The following RAB11FIP2 variants were observed in gnomAD, a reference collection of about 807,000 sequenced individuals.
RAB11FIP2 encodes the protein rab11 family-interacting protein 2.
RAB11FIP2 carries 16 observed loss-of-function variants against 40.9 expected under a neutral mutation model. That is an observed-to-expected ratio of 0.39 (90% CI 0.26 to 0.59). The LOEUF is 0.59. Among genes scored for constraint, RAB11FIP2 ranks in the 20% least tolerant of loss-of-function variants. The pLI, the probability that RAB11FIP2 is intolerant of heterozygous loss-of-function variation, is 0.53. For missense variants in RAB11FIP2, 532 were observed against 606.2 expected (o/e 0.88, Z 1.28); for synonymous variants, 228 against 213.7 (o/e 1.07, Z -0.58).
intron 1 of RAB11FIP2, chr10:118,043,618 A>G (rs1295071555): frequency 6.6e-6 from 1 of 152,212 alleles, no homozygotes; most frequent in African/African-American, 2.4e-5. Flanking sequence ...TTTATCTATC[A>G]TGACACAACT....
In RAB11FIP2 at chr10:118,045,914, G is replaced by C. The variant is rs1221506230; in HGVS notation, c.250C>G (p.Leu84Val). 2 of 1,614,050 alleles carry C rather than the reference G, an allele frequency of 1.2e-6. No individual in the cohort carries two copies. Among genetic ancestry groups the C allele is most frequent in the Admixed American group, 3.3e-5 (2 of 59,994 alleles). The change falls in exon 1 of 5, where the codon CTT (leucine) becomes GTT (valine). Residue 84 changes from leucine to valine, a missense_variant. Transcript: ENST00000355624. ...ACCAGGGACCTGTGCATAACTATAA[G>C]GAAAAGAATGTATTTCTCTGGACTT... ...QGSPEKYILF[L>V]IVMHRSLVGL... is the part of the protein sequence containing the mutation.
At chr10:118,011,704 C>T (rs561344895) in intron 4 of RAB11FIP2, among the ~76,000 whole-genome samples, 1 of 151,958 alleles carries the variant, frequency 6.6e-6, no homozygotes. Context: ...TCTGGTATAC[C>T]AAGTGATTTT....
chr10:118,041,063 C>A (rs879375188), intron 1 of RAB11FIP2, among the ~76,000 whole-genome samples: 2 of 151,882 alleles, frequency 1.3e-5, no homozygotes, highest in African/African-American at 2.4e-5. Context: ...ATATTACTTA[C>A]GTAAAAGTAG....
At position 118,006,671 on chromosome 10, in the gene RAB11FIP2, A is replaced by C. The variant is rs1350306396; in HGVS notation, c.*2327T>G. Reference sequence around the variant, plus strand: ...TGACTGATTATGAAAATATGCAATAAGTTTACTCTAGGTAATGAGTGAAAA... The same window carrying C: ...TGACTGATTATGAAAATATGCAATACGTTTACTCTAGGTAATGAGTGAAAA... On this transcript the variant is annotated 3_prime_UTR_variant, in exon 5 of 5. Coordinates refer to ENST00000355624, the MANE Select transcript of RAB11FIP2 (RefSeq NM_014904.3). 6.6e-6 allele frequency: 1 copy of C among 152,128 alleles called. No homozygotes were observed. Among genetic ancestry groups the C allele is most frequent in the African/African-American group, 2.4e-5 (1 of 41,452 alleles). The allele number at this position is 152,128 out of a possible 1,614,324, so 9.4% of individuals were successfully genotyped here.
chr10:118,014,257 T>G (rs1272686269), intron 4 of RAB11FIP2, among the ~76,000 whole-genome samples: 2 of 152,260 alleles, frequency 1.3e-5, no homozygotes, highest in Admixed American at 1.3e-4. Context: ...ACTATACATC[T>G]GGATCGCACA....
chr10:118,028,185 A>G (rs1433831454), intron 3 of RAB11FIP2, among the ~76,000 whole-genome samples: 3 of 152,156 alleles, frequency 2.0e-5, no homozygotes, highest in Admixed American at 6.6e-5. Context: ...ATACTCTAAG[A>G]AGGCCAAGCT....
intron 4 of RAB11FIP2, among the ~76,000 whole-genome samples, chr10:118,014,644 A>C (rs1846194979): frequency 6.6e-6 from 1 of 152,166 alleles, no homozygotes; most frequent in Admixed American, 6.5e-5. Flanking sequence ...TCCTGCCAGG[A>C]TGCTTTTCTA....
chr10:118,022,904 A>G (rs1303373573), intron 3 of RAB11FIP2, among the ~76,000 whole-genome samples: 1 of 152,240 alleles, frequency 6.6e-6, no homozygotes, highest in Non-Finnish European at 1.5e-5. Flanking sequence ...AAGTTCCACC[A>G]ACAAGATACC....
chr10:118,038,061 A>G (rs1846504899), intron 3 of RAB11FIP2, among the ~76,000 whole-genome samples: 1 of 151,770 alleles, frequency 6.6e-6, no homozygotes, highest in African/African-American at 2.4e-5. Context: ...TTTTCACTCC[A>G]TGGTTGATTG....
rs1173689608 is a variant in RAB11FIP2 at position 118,040,182 on chromosome 10, A to G, written c.737T>C (p.Ile246Thr). ...MSSEKLKAGTIGQTHLLGHQL... is the reference protein window; with the variant it reads ...MSSEKLKAGTTGQTHLLGHQL... ...GTGTCCGAGAAGATGTGTTTGACCT[A>G]TGGTGCCAGCCTTCAGTTTCTCAGA... Residue 246 changes from isoleucine to threonine, a missense_variant, in exon 2 of 5, where the codon ATA (isoleucine) becomes ACA (threonine). Ile to Thr is a moderately conservative substitution (Grantham distance 89). Transcript: ENST00000355624. 1.4e-5 allele frequency: 22 copies of G among 1,613,846 alleles called. No homozygotes were observed. Among genetic ancestry groups the G allele is most frequent in the Non-Finnish European group, 1.7e-5 (20 of 1,179,778 alleles).
intron 3 of RAB11FIP2, among the ~76,000 whole-genome samples, chr10:118,026,369 A>G (rs1846343485): frequency 6.6e-6 from 1 of 152,206 alleles, no homozygotes; most frequent in Admixed American, 6.5e-5. Context: ...AATGAATATT[A>G]TTTCTGATAT....
chr10:118,031,164 G>C (rs1319622326), intron 3 of RAB11FIP2, among the ~76,000 whole-genome samples: 2 of 151,924 alleles, frequency 1.3e-5, no homozygotes, highest in East Asian at 3.9e-4. Context: ...ACAAATATGA[G>C]CAAAAAGTAA....
rs1434432442 is a variant in RAB11FIP2 at position 118,046,442 on chromosome 10, AC to A, written c.-280del. The stretch of plus-strand genomic sequence containing the variant: ...TGCGCGGACCCCCGCCCCTGTCTCC[AC>A]CTTCCCCAGGCCTGCGGGGCACGTG... On this transcript the variant is annotated 5_prime_UTR_variant, in exon 1 of 5. Coordinates refer to ENST00000355624, the MANE Select transcript of RAB11FIP2 (RefSeq NM_014904.3). 2 of 295,498 alleles carry A rather than the reference AC, an allele frequency of 6.8e-6. No homozygotes were observed. Among genetic ancestry groups the A allele is most frequent in the African/African-American group, 1.0e-4 (2 of 19,846 alleles). The allele number at this position is 295,498 out of a possible 1,614,324, so 18.3% of individuals were successfully genotyped here. A position where few individuals can be genotyped will look rare whatever the true frequency, so the allele number is the denominator to read the frequency against.
chr10:118,039,742 C>T (rs1721041633), intron 2 of RAB11FIP2: 1 of 365,428 alleles, frequency 2.7e-6, no homozygotes, highest in Admixed American at 4.2e-5. Flanking sequence ...TTCTCAGAGA[C>T]TTTTTCATTA....
Position 118,039,298 on chromosome 10 carries a change from T to C in RAB11FIP2, c.939A>G (p.Gln313=). ...PFTNVTASLP[Q]KFATLPRKKN... Reference sequence around the variant, plus strand: ...TCTTCCTTGGCAGTGTTGCAAATTTTTGGGGTAATGAAGCAGTCACATTTG... The same window carrying C: ...TCTTCCTTGGCAGTGTTGCAAATTTCTGGGGTAATGAAGCAGTCACATTTG... The change falls in exon 3 of 5, where the codon CAA becomes CAG. Residue 313 remains glutamine, a synonymous_variant. Transcript: ENST00000355624. 1 of 1,613,760 alleles carries C rather than the reference T, an allele frequency of 6.2e-7. No homozygotes were observed. The highest frequency in any genetic ancestry group is 8.5e-7 in the Non-Finnish European group (1 of 1,179,736).
At chr10:118,020,550 A>G (rs1449923293) in intron 3 of RAB11FIP2, among the ~76,000 whole-genome samples, 1 of 151,954 alleles carries the variant, frequency 6.6e-6, no homozygotes, top group Non-Finnish European at 1.5e-5. Context: ...AAGAGGATGG[A>G]GCACTGAAAG....
chr10:118,039,033 A>G lies in RAB11FIP2; in HGVS notation c.1204T>C (p.Tyr402His), dbSNP rs1409541382. 2.5e-5 allele frequency: 40 copies of G among 1,611,830 alleles called. No individual in the cohort carries two copies. The highest frequency in any genetic ancestry group is 3.2e-5 in the Non-Finnish European group (38 of 1,179,322). Residue 402 changes from tyrosine (Y) to histidine (H), a missense_variant, in exon 3 of 5, where the codon TAT becomes CAT. Physicochemically the swap from Tyr to His is moderately conservative, Grantham distance 83. Coordinates refer to ENST00000355624, the MANE Select transcript of RAB11FIP2 (RefSeq NM_014904.3). ...FSENRQDYFD[Y>H]ESTNPFTAKF... ...GCTGTAAATGGATTGGTTGACTCATAATCAAAATAGTCCTGGCGATTTTCA... is the reference window on the plus strand; with the variant it reads ...GCTGTAAATGGATTGGTTGACTCATGATCAAAATAGTCCTGGCGATTTTCA...
intron 3 of RAB11FIP2, 149 bp downstream of exon 3, chr10:118,038,823 C>A: frequency 1.6e-6 from 1 of 621,520 alleles, no homozygotes; most frequent in South Asian, 2.8e-5. Flanking sequence ...TGCAACATTG[C>A]CTGGCTCTAT....
intron 3 of RAB11FIP2, among the ~76,000 whole-genome samples, chr10:118,024,470 C>CGTGTGTGTGT (rs55723398): frequency 0.093 from 12,209 of 131,642 alleles, 695 homozygotes; most frequent in Non-Finnish European, 0.1. Flanking sequence ...TCATCATCAT[C>CGTGTGTGTGT]GTGTGTGTGT....
Sources: gnomAD v4.1 joint callset for allele counts (sites outside exome capture counted in the v4.1 genomes callset) on GRCh38, gnomAD v4.1.1 for gene constraint, MANE v1.5 for transcripts, NCBI Gene and HGNC (gene_info 2026-07-23, HGNC 2026-07-21) for gene names.